Variants in PRKG1 observed in about 807,000 individuals in gnomAD.
PRKG1 encodes the protein cGMP-dependent protein kinase 1.
Under a neutral mutation model 88.1 loss-of-function variants are expected in PRKG1, and 35 were observed. That is an observed-to-expected ratio of 0.40 (90% confidence interval 0.30 to 0.53). The LOEUF (loss-of-function observed/expected upper bound fraction) is 0.53. Ranked by LOEUF, PRKG1 falls within the 20% of genes least tolerant of loss-of-function variation. The pLI is 0.59. For synonymous variants in PRKG1, 303 were observed against 292.5 expected, an observed-to-expected ratio of 1.04 and a Z score of -0.37; for missense variants, 540 against 839.8, an observed-to-expected ratio of 0.64 and a Z score of 4.41.
intron 2 of PRKG1, among the ~76,000 whole-genome samples, chr10:51,240,190 A>C (rs938946708): frequency 6.6e-6 from 1 of 152,208 alleles, no homozygotes; most frequent in African/African-American, 2.4e-5. Flanking sequence ...AAAAATAGAT[A>C]TTACCTTTGC....
intron 1 of PRKG1, among the ~76,000 whole-genome samples, chr10:50,997,845 A>C (rs887868825): frequency 5.9e-5 from 9 of 152,196 alleles, no homozygotes; most frequent in African/African-American, 2.2e-4. Flanking sequence ...ATAATAATTT[A>C]AGGGAAAAGA....
intron 2 of PRKG1, among the ~76,000 whole-genome samples, chr10:51,362,328 G>T (rs995618609): frequency 6.6e-6 from 1 of 151,942 alleles, no homozygotes; most frequent in Non-Finnish European, 1.5e-5. Flanking sequence ...GTTCATAAAA[G>T]TGTATGACTT....
intron 2 of PRKG1, among the ~76,000 whole-genome samples, chr10:51,351,686 T>G (rs1258523164): frequency 6.6e-6 from 1 of 152,196 alleles, no homozygotes; most frequent in African/African-American, 2.4e-5. Flanking sequence ...TCTCCCATTC[T>G]GTAGGTTGTC....
chr10:51,261,248 A>C (rs993162839), intron 2 of PRKG1, among the ~76,000 whole-genome samples: 1 of 152,170 alleles, frequency 6.6e-6, no homozygotes, highest in Admixed American at 6.5e-5. Flanking sequence ...TTTTTAAAAA[A>C]CTTTTGTTAC....
rs182333083 is a variant in PRKG1, at chr10:51,515,698, C to A, written c.592+47862C>A. ...CAATTCTTCACACACAATGAGTACC[C>A]AATCAAGTTCCAATCAACGCAGGAT... On this transcript the variant is annotated intron_variant, in intron 3 of 17. Transcript: ENST00000373980. Among the ~76,000 whole-genome samples, 172 of 152,266 alleles carry A rather than the reference C, an allele frequency of 1.1e-3. 1 individual carries two copies. The highest frequency in any genetic ancestry group is 3.8e-3 in the African/African-American group (156 of 41,554).
At chr10:51,135,315 G>T (rs1249454333) in intron 1 of PRKG1, among the ~76,000 whole-genome samples, 3 of 152,130 alleles carry the variant, frequency 2.0e-5, no homozygotes, top group East Asian at 1.9e-4. Context: ...TTTTAAAGCA[G>T]GAGAGAGTAT....
At chr10:52,222,129 T>C (rs1840259909) in intron 9 of PRKG1, among the ~76,000 whole-genome samples, 1 of 152,102 alleles carries the variant, frequency 6.6e-6, no homozygotes, top group Admixed American at 6.6e-5. Flanking sequence ...TCCTTGATGT[T>C]CCCTTAGAGT....
chr10:51,267,745 A>C (rs1047445680), intron 2 of PRKG1, among the ~76,000 whole-genome samples: 3 of 152,218 alleles, frequency 2.0e-5, no homozygotes, highest in Non-Finnish European at 2.9e-5. Flanking sequence ...TAATTGGTGT[A>C]GTCAAAGAAT....
chr10:52,167,334 A>G (rs1298016954), intron 9 of PRKG1, among the ~76,000 whole-genome samples: 2 of 152,124 alleles, frequency 1.3e-5, no homozygotes, highest in Non-Finnish European at 2.9e-5. Context: ...GATAGCACCA[A>G]GCCATTCAAA....
At chr10:51,870,631 C>T (rs1214009644) in intron 4 of PRKG1, among the ~76,000 whole-genome samples, 1 of 151,886 alleles carries the variant, frequency 6.6e-6, no homozygotes, top group East Asian at 1.9e-4. Flanking sequence ...GTCAGTTTCC[C>T]CTCCAATACA....
At chr10:52,153,385 G>A (rs1211396010) in intron 8 of PRKG1, among the ~76,000 whole-genome samples, 3 of 152,126 alleles carry the variant, frequency 2.0e-5, no homozygotes, top group East Asian at 3.8e-4. Context: ...CAAGTAATAA[G>A]GAAGATAATG....
At chr10:51,576,187 A>G (rs1837880585) in intron 3 of PRKG1, among the ~76,000 whole-genome samples, 1 of 151,978 alleles carries the variant, frequency 6.6e-6, no homozygotes, top group Non-Finnish European at 1.5e-5. Flanking sequence ...TACCCTGATT[A>G]CAGAATTGTG....
intron 2 of PRKG1, among the ~76,000 whole-genome samples, chr10:51,440,093 C>G (rs2132745553): frequency 6.6e-6 from 1 of 152,016 alleles, no homozygotes; most frequent in South Asian, 2.1e-4. Context: ...CTTGTACAGT[C>G]AGCTTCTTAG....
intron 3 of PRKG1, among the ~76,000 whole-genome samples, chr10:51,717,689 G>A (rs550729829): frequency 1.3e-5 from 2 of 152,086 alleles, no homozygotes; most frequent in East Asian, 1.9e-4. Flanking sequence ...AAAGTTAGCC[G>A]GGCATGGTGG....
At chr10:51,285,957 CTTTA>C (rs1451675015) in intron 2 of PRKG1, among the ~76,000 whole-genome samples, 1 of 146,756 alleles carries the variant, frequency 6.8e-6, no homozygotes, top group Non-Finnish European at 1.5e-5. Context: ...CAGCAGGTGC[CTTTA>C]TTTATTTATT....
chr10:51,257,051 G>T (rs747287076), intron 2 of PRKG1, among the ~76,000 whole-genome samples: 3 of 151,944 alleles, frequency 2.0e-5, no homozygotes, highest in Non-Finnish European at 4.4e-5. Flanking sequence ...AGAATTGACA[G>T]GACAAGATAA....
At chr10:51,060,669 C>T (rs909796287) in intron 1 of PRKG1, among the ~76,000 whole-genome samples, 2 of 151,624 alleles carry the variant, frequency 1.3e-5, no homozygotes, top group African/African-American at 4.9e-5. Flanking sequence ...ATACATTTAC[C>T]CTCATATTTG....
intron 1 of PRKG1, among the ~76,000 whole-genome samples, chr10:51,111,829 A>G (rs1165488508): frequency 2.6e-5 from 4 of 152,134 alleles, no homozygotes; most frequent in Non-Finnish European, 5.9e-5. Context: ...AAGGTAGAAA[A>G]CTGCAGAGCC....
intron 5 of PRKG1, among the ~76,000 whole-genome samples, chr10:51,924,589 T>C (rs1842532222): frequency 6.6e-6 from 1 of 152,176 alleles, no homozygotes; most frequent in Non-Finnish European, 1.5e-5. Flanking sequence ...GTCATTAATT[T>C]TGGAAAATCA....
Sources: gnomAD v4.1 joint callset for allele counts (sites outside exome capture counted in the v4.1 genomes callset) on GRCh38, gnomAD v4.1.1 for gene constraint, MANE v1.5 for transcripts, NCBI Gene and HGNC (gene_info 2026-07-23, HGNC 2026-07-21) for gene names.